The following ST3GAL3 variants were observed in gnomAD, a reference collection of about 807,000 sequenced individuals.
ST3GAL3 encodes ST3 beta-galactoside alpha-2,3-sialyltransferase 3.
In ST3GAL3, 21 loss-of-function variants were observed where a neutral mutation model predicts 50.1. The observed-to-expected ratio is 0.42, with a 90% CI of 0.30 to 0.60. ST3GAL3 has a LOEUF of 0.60. ST3GAL3 is among the 20% of genes least tolerant of loss of function. The probability of loss-of-function intolerance (pLI) is 0.19; values close to 1 mark genes in which losing one functional copy is unlikely to be tolerated. For synonymous variants in ST3GAL3, 183 were observed against 190.0 expected, an observed-to-expected ratio of 0.96 and a Z score of 0.30; for missense variants, 353 against 489.4, an observed-to-expected ratio of 0.72 and a Z score of 2.63.
chr1:43,838,031 C>T (rs957377475), intron 4 of ST3GAL3, among the ~76,000 whole-genome samples, 188 bp from the exon 5 acceptor site: 2 of 115,424 alleles, frequency 1.7e-5, no homozygotes, highest in South Asian at 2.7e-4. Flanking sequence ...AGGAGAATGG[C>T]GTGAACCCGG....
chr1:43,785,956 C>G (rs946635988), intron 2 of ST3GAL3, among the ~76,000 whole-genome samples: 2 of 152,162 alleles, frequency 1.3e-5, no homozygotes, highest in Non-Finnish European at 2.9e-5. Context: ...TCATTCTCTT[C>G]CCTTCCTGTC....
chr1:43,818,228 C>T (rs1245561209), intron 4 of ST3GAL3, among the ~76,000 whole-genome samples: 2 of 152,106 alleles, frequency 1.3e-5, no homozygotes, highest in African/African-American at 4.8e-5. Flanking sequence ...TTAACTGGAA[C>T]CCCAAAGGGC....
chr1:43,828,486 C>T (rs917297791), intron 4 of ST3GAL3, among the ~76,000 whole-genome samples: 2 of 152,066 alleles, frequency 1.3e-5, no homozygotes, highest in African/African-American at 4.8e-5. Context: ...GAAAAAATTG[C>T]AAACACATAC....
At chr1:43,726,753 C>T (rs375307553) in intron 1 of ST3GAL3, among the ~76,000 whole-genome samples, 2 of 152,100 alleles carry the variant, frequency 1.3e-5, no homozygotes, top group Non-Finnish European at 2.9e-5. Context: ...TGCCACCATG[C>T]CTGGCTAATT....
At chr1:43,721,754 A>G (rs929597056) in intron 1 of ST3GAL3, among the ~76,000 whole-genome samples, 1 of 152,234 alleles carries the variant, frequency 6.6e-6, no homozygotes, top group South Asian at 2.1e-4. Flanking sequence ...GGCATGTGCC[A>G]CTGCGCCTGA....
intron 2 of ST3GAL3, among the ~76,000 whole-genome samples, chr1:43,761,262 T>C (rs1329678985): frequency 6.6e-6 from 1 of 152,162 alleles, no homozygotes. Flanking sequence ...TTGGAGTTTA[T>C]TTGGCTATAT....
intron 2 of ST3GAL3, among the ~76,000 whole-genome samples, chr1:43,760,494 G>T (rs1202602818): frequency 6.6e-6 from 1 of 152,212 alleles, no homozygotes; most frequent in Non-Finnish European, 1.5e-5. Flanking sequence ...AGTGGCTCAC[G>T]CCTGTAATCC....
intron 1 of ST3GAL3, among the ~76,000 whole-genome samples, chr1:43,715,930 G>A (rs1667159967): frequency 6.6e-6 from 1 of 152,218 alleles, no homozygotes; most frequent in Non-Finnish European, 1.5e-5. Context: ...GTCTTAGATT[G>A]TGAAAATAGT....
intron 1 of ST3GAL3, among the ~76,000 whole-genome samples, chr1:43,727,686 T>TCTTG (rs1393514569): frequency 6.6e-6 from 1 of 152,168 alleles, no homozygotes; most frequent in East Asian, 1.9e-4. Flanking sequence ...CATCTTTTCT[T>TCTTG]CTTGCTTCAA....
intron 3 of ST3GAL3, among the ~76,000 whole-genome samples, chr1:43,799,273 T>C (rs2059054790): frequency 6.6e-6 from 1 of 152,242 alleles, no homozygotes; most frequent in South Asian, 2.1e-4. Flanking sequence ...GTTATTTTAA[T>C]AACTGGGAAA....
At chr1:43,716,568 A>C (rs1340915717) in intron 1 of ST3GAL3, 2 of 152,190 alleles carry the variant, frequency 1.3e-5, no homozygotes, top group African/African-American at 4.8e-5. Flanking sequence ...TCTTTTTAAC[A>C]TCCAATTTTT....
chr1:43,836,113 C>T (rs1405267996), intron 4 of ST3GAL3, among the ~76,000 whole-genome samples: 1 of 152,154 alleles, frequency 6.6e-6, no homozygotes, highest in African/African-American at 2.4e-5. Context: ...TTCATAGCAC[C>T]AACTCACAGA....
intron 7 of ST3GAL3, 69 bp downstream of exon 7, chr1:43,898,367 C>T (rs764850314): frequency 1.4e-4 from 212 of 1,512,988 alleles, no homozygotes; most frequent in Non-Finnish European, 1.8e-4. Context: ...TGAGGCCCAG[C>T]TGGCCTTCCC....
intron 5 of ST3GAL3, chr1:43,894,166 G>A: frequency 3.4e-6 from 2 of 587,212 alleles, no homozygotes; most frequent in Non-Finnish European, 6.2e-6. Context: ...GCCAAATAAA[G>A]ACTGACCAGG....
At chr1:43,817,112 CT>C (rs1302730530) in intron 4 of ST3GAL3, among the ~76,000 whole-genome samples, 4 of 152,214 alleles carry the variant, frequency 2.6e-5, no homozygotes, top group Non-Finnish European at 4.4e-5. Context: ...GATTTGAATT[CT>C]GTCTGCTGCA....
chr1:43,874,175 G>T (rs2073620956), intron 5 of ST3GAL3, among the ~76,000 whole-genome samples: 1 of 152,196 alleles, frequency 6.6e-6, no homozygotes, highest in Non-Finnish European at 1.5e-5. Context: ...AAATGGACAA[G>T]ATTAATTACT....
chr1:43,854,409 T>A (rs960173381), intron 5 of ST3GAL3, among the ~76,000 whole-genome samples: 9 of 152,322 alleles, frequency 5.9e-5, no homozygotes, highest in South Asian at 2.1e-4. Flanking sequence ...TCCTCCATTT[T>A]GAAACTCTCT....
At chr1:43,814,833 A>G (rs2061038719) in intron 3 of ST3GAL3, 58 bp from the exon 4 acceptor site, 1 of 1,546,312 alleles carries the variant, frequency 6.5e-7, no homozygotes, top group Non-Finnish European at 8.9e-7. Context: ...GGGGGATGCA[A>G]TATGCTAGTA....
chr1:43,907,435 C>A (rs570656581), intron 9 of ST3GAL3, among the ~76,000 whole-genome samples: 2 of 152,316 alleles, frequency 1.3e-5, no homozygotes, highest in African/African-American at 4.8e-5. Flanking sequence ...CATCTCAGTG[C>A]TGCTTCCCAT....
Sources: allele counts gnomAD v4.1 joint callset (sites outside exome capture counted in the v4.1 genomes callset), GRCh38; gene constraint gnomAD v4.1.1; transcripts MANE v1.5; gene names NCBI Gene and HGNC (gene_info 2026-07-23, HGNC 2026-07-21).